DLG2: variants seen among roughly 807,000 people sequenced by gnomAD.
The protein encoded by DLG2 is disks large homolog 2.
DLG2 carries 45 observed loss-of-function variants against 132.5 expected under a neutral mutation model. That is an observed-to-expected ratio of 0.34 (90% confidence interval 0.27 to 0.44). DLG2 has a LOEUF of 0.44. DLG2 is among the 20% of genes least tolerant of loss of function. The pLI is 1.00. For missense variants in DLG2, 1,045 were observed against 1,196.9 expected, an observed-to-expected ratio of 0.87 and a Z score of 1.87; for synonymous variants, 424 against 419.6, an observed-to-expected ratio of 1.01 and a Z score of -0.13.
At chr11:85,334,509 T>C (rs2081992675) in intron 3 of DLG2, among the ~76,000 whole-genome samples, 1 of 152,206 alleles carries the variant, frequency 6.6e-6, no homozygotes, top group Non-Finnish European at 1.5e-5. Context: ...CTAGTTTCTC[T>C]AGGTATAGTG....
chr11:83,981,262 C>A (rs2092751885), intron 11 of DLG2, among the ~76,000 whole-genome samples: 1 of 151,936 alleles, frequency 6.6e-6, no homozygotes, highest in Non-Finnish European at 1.5e-5. Flanking sequence ...GTTCTCTTGC[C>A]ACCTTGTCAT....
chr11:84,185,867 A>C (rs2096266811), intron 8 of DLG2, among the ~76,000 whole-genome samples: 1 of 152,176 alleles, frequency 6.6e-6, no homozygotes, highest in Non-Finnish European at 1.5e-5. Flanking sequence ...GCTAAAAACA[A>C]ATTCAGTCTT....
chr11:84,503,129 T>A (rs1303627185), intron 7 of DLG2, among the ~76,000 whole-genome samples: 1 of 152,236 alleles, frequency 6.6e-6, no homozygotes, highest in Non-Finnish European at 1.5e-5. Context: ...AGAGGTGTAA[T>A]CTGTTGGAAA....
chr11:83,668,883 A>G (rs1406352526), intron 18 of DLG2, among the ~76,000 whole-genome samples: 1 of 145,630 alleles, frequency 6.9e-6, no homozygotes, highest in African/African-American at 2.6e-5. Context: ...TTTTTATGAT[A>G]GACTATGAGC....
chr11:83,527,765 C>T (rs575209115), intron 21 of DLG2, among the ~76,000 whole-genome samples: 14 of 152,208 alleles, frequency 9.2e-5, no homozygotes, highest in African/African-American at 3.4e-4. Flanking sequence ...ATACTGATAG[C>T]TCTCTCATAC....
chr11:84,263,122 G>C (rs2097568998), intron 7 of DLG2, among the ~76,000 whole-genome samples: 1 of 152,096 alleles, frequency 6.6e-6, no homozygotes, highest in Non-Finnish European at 1.5e-5. Flanking sequence ...TCCCCAGTTA[G>C]TTTTATTTTT....
At chr11:84,440,536 A>G (rs1567640593) in intron 7 of DLG2, among the ~76,000 whole-genome samples, 1 of 152,228 alleles carries the variant, frequency 6.6e-6, no homozygotes, top group Admixed American at 6.5e-5. Context: ...AGCTTCCTAC[A>G]GTTAATCCTA....
chr11:84,567,505 C>A (rs543640061), intron 6 of DLG2, among the ~76,000 whole-genome samples: 24 of 152,116 alleles, frequency 1.6e-4, no homozygotes, highest in Non-Finnish European at 3.1e-4. Context: ...AGTATAACAT[C>A]CTCTTTAATA....
chr11:85,309,056 A>G (rs1162034380), intron 3 of DLG2, among the ~76,000 whole-genome samples: 2 of 152,152 alleles, frequency 1.3e-5, no homozygotes, highest in Non-Finnish European at 2.9e-5. Flanking sequence ...TGATATGCCA[A>G]TCTGAGCCCA....
intron 11 of DLG2, among the ~76,000 whole-genome samples, chr11:84,029,815 G>A (rs2095643130): frequency 6.6e-6 from 1 of 152,062 alleles, no homozygotes; most frequent in African/African-American, 2.4e-5. Flanking sequence ...TCTGCATGAA[G>A]TGTTCTCTTC....
At chr11:84,008,263 T>C (rs1029288964) in intron 11 of DLG2, among the ~76,000 whole-genome samples, 2 of 151,908 alleles carry the variant, frequency 1.3e-5, no homozygotes, top group South Asian at 2.1e-4. Flanking sequence ...GTGAACTCCC[T>C]CCAGTTACTC....
intron 18 of DLG2, among the ~76,000 whole-genome samples, chr11:83,643,939 C>A (rs191973243): frequency 1.3e-5 from 2 of 151,812 alleles, no homozygotes; most frequent in Non-Finnish European, 2.9e-5. Context: ...CTGTCTCAGA[C>A]TTGTTTGGTT....
At chr11:85,303,714 T>C (rs1015416255) in intron 3 of DLG2, among the ~76,000 whole-genome samples, 8 of 152,160 alleles carry the variant, frequency 5.3e-5, no homozygotes, top group African/African-American at 1.9e-4. Context: ...GAGATCTGAG[T>C]TCTAGTCCCA....
At chr11:85,569,934 A>G (rs2077748886) in intron 3 of DLG2, among the ~76,000 whole-genome samples, 1 of 152,168 alleles carries the variant, frequency 6.6e-6, no homozygotes, top group African/African-American at 2.4e-5. Context: ...ACTCACATTC[A>G]TCACTCAGAG....
chr11:85,434,899 G>T (rs1161093028), intron 3 of DLG2, among the ~76,000 whole-genome samples: 1 of 152,198 alleles, frequency 6.6e-6, no homozygotes, highest in Non-Finnish European at 1.5e-5. Flanking sequence ...TATCCCTGAT[G>T]AACATTGATG....
intron 7 of DLG2, among the ~76,000 whole-genome samples, chr11:84,359,703 C>G (rs2154419398): frequency 6.6e-6 from 1 of 151,928 alleles, no homozygotes; most frequent in African/African-American, 2.4e-5. Context: ...TTATTTAGCC[C>G]TTCCTATCAA....
rs76285257 is a variant in DLG2 at position 84,132,740 on chromosome 11, G to A, written c.624+30721C>T. The stretch of plus-strand genomic sequence containing the variant: ...ATAAAATAGCCAGTACTAAGTGAGA[G>A]AACAATAACAGGGGATAGCTAATTT... On this transcript the variant is annotated intron_variant, in intron 9 of 27. Transcript: ENST00000376104. Among the ~76,000 whole-genome samples, 45 of 152,106 alleles carry A rather than the reference G, an allele frequency of 3.0e-4. No individual in the cohort carries two copies. In the East Asian group the frequency reaches 8.5e-3, roughly 29 times the overall value.
intron 15 of DLG2, among the ~76,000 whole-genome samples, chr11:83,875,421 C>G (rs187067610): frequency 3.1e-4 from 47 of 152,230 alleles, no homozygotes; most frequent in African/African-American, 1.1e-3. Flanking sequence ...TAGAAAGTTG[C>G]TCAGAGTCAC....
chr11:84,886,835 C>T (rs2154058795), intron 6 of DLG2, among the ~76,000 whole-genome samples: 1 of 152,260 alleles, frequency 6.6e-6, no homozygotes, highest in African/African-American at 2.4e-5. Flanking sequence ...AAAGATTAAG[C>T]ATGCTAATGC....
Sources: gnomAD v4.1 joint callset for allele counts (sites outside exome capture counted in the v4.1 genomes callset) on GRCh38, gnomAD v4.1.1 for gene constraint, MANE v1.5 for transcripts, NCBI Gene and HGNC (gene_info 2026-07-23, HGNC 2026-07-21) for gene names.